THAP8: variants seen among roughly 807,000 people sequenced by gnomAD.
THAP8 encodes the protein THAP domain-containing protein 8.
A neutral mutation model predicts 25.0 loss-of-function variants in THAP8; 24 were observed. That is an observed-to-expected ratio of 0.96 (90% CI 0.69 to 1.35). THAP8 has a LOEUF of 1.35. Among genes scored for constraint, THAP8 ranks in the 40% most tolerant of loss-of-function variants. The pLI is 0.00. For missense variants in THAP8, 399 were observed against 368.8 expected (o/e 1.08, Z -0.67); for synonymous variants, 169 against 157.6 (o/e 1.07, Z -0.54).
upstream of THAP8, chr19:36,054,327 T>TCCGTGGAGTCTCGTCACGTA: frequency 7.7e-7 from 1 of 1,296,364 alleles, no homozygotes; most frequent in Admixed American, 2.0e-5. Flanking sequence ...TCACGTGACG[T>TCCGTGGAGTCTCGTCACGTA]CCGTGGAGTC....
In THAP8 at chr19:36,039,840, T is replaced by G. The variant is rs886401240; in HGVS notation, c.276+104A>C. 16 of 1,568,546 alleles carry G rather than the reference T, an allele frequency of 1.0e-5. No individual in the cohort carries two copies. In the African/African-American group the frequency reaches 2.0e-4, roughly 20 times the overall value. ...GTAAGGCCAGACCTCAGGGAGGAAG[T>G]GTCGTCAGGAGGGGAGGGCCAAAGT... On this transcript the variant is annotated intron_variant, in intron 2 of 3. Coordinates refer to ENST00000292894, the MANE Select transcript of THAP8 (RefSeq NM_152658.3).
At chr19:36,042,161 A>C (rs1484542543) in intron 1 of THAP8, among the ~76,000 whole-genome samples, 1 of 151,870 alleles carries the variant, frequency 6.6e-6, no homozygotes, top group Non-Finnish European at 1.5e-5. Flanking sequence ...AACTGCTGGA[A>C]CTCTGGTACA....
intron 1 of THAP8, among the ~76,000 whole-genome samples, chr19:36,048,901 TGA>T: frequency 6.7e-6 from 1 of 150,218 alleles, no homozygotes; most frequent in Non-Finnish European, 1.5e-5. Flanking sequence ...CACTGAGATT[TGA>T]GAAGTTTGTT....
intron 1 of THAP8, among the ~76,000 whole-genome samples, chr19:36,051,998 A>G (rs1970068584): frequency 6.6e-6 from 1 of 151,782 alleles, no homozygotes; most frequent in Non-Finnish European, 1.5e-5. Context: ...TGTGCATGTG[A>G]GAGATCTAGG....
In THAP8 at chr19:36,040,203, C is replaced by G. The variant is rs546231182; in HGVS notation, c.84-67G>C. 2.0e-6 allele frequency: 3 copies of G among 1,476,302 alleles called. No individual in the cohort carries two copies. In the East Asian group the frequency reaches 7.3e-5, roughly 36 times the overall value. The allele number at this position is 1,476,302 out of a possible 1,614,324, so 91.5% of individuals were successfully genotyped here. On this transcript the variant is annotated intron_variant, in intron 1 of 3. Transcript: ENST00000292894. Reference sequence around the variant, plus strand: ...CAGACTTATCCCTCCCAGAGGATACCCACCCTGGAGGTCTCTGGGCTCCAA... The same window carrying G: ...CAGACTTATCCCTCCCAGAGGATACGCACCCTGGAGGTCTCTGGGCTCCAA...
intron 1 of THAP8, among the ~76,000 whole-genome samples, chr19:36,050,172 G>A (rs1970016520): frequency 6.6e-6 from 1 of 152,096 alleles, no homozygotes; most frequent in Non-Finnish European, 1.5e-5. Context: ...TTGAGACAAG[G>A]TCTCACACGG....
intron 1 of THAP8, among the ~76,000 whole-genome samples, chr19:36,051,479 T>C (rs1473680215): frequency 6.6e-6 from 1 of 151,706 alleles, no homozygotes; most frequent in Non-Finnish European, 1.5e-5. Context: ...GGGAACAGAC[T>C]GGGGGTGACG....
intron 1 of THAP8, among the ~76,000 whole-genome samples, chr19:36,047,597 G>A (rs532160260): frequency 1.3e-5 from 2 of 152,148 alleles, no homozygotes; most frequent in Non-Finnish European, 2.9e-5. Context: ...CAAGGTGGGA[G>A]GATCATTTAA....
chr19:36,040,252 A>G lies in THAP8; in HGVS notation c.84-116T>C, dbSNP rs912725467. 3.8e-6 allele frequency: 4 copies of G among 1,059,236 alleles called. No individual in the cohort carries two copies. In the African/African-American group the frequency reaches 4.8e-5, roughly 13 times the overall value. 65.6% of individuals were successfully genotyped at this position (1,059,236 alleles called of 1,614,324 possible). On this transcript the variant is annotated intron_variant, in intron 1 of 3. Coordinates refer to ENST00000292894, the MANE Select transcript of THAP8 (RefSeq NM_152658.3). Reference sequence around the variant, plus strand: ...AAGCCTGTGCCTCCCTAGGGCTAGGAAGTAGACCTGTCTTGTGCCCAGGCT... The same window carrying G: ...AAGCCTGTGCCTCCCTAGGGCTAGGGAGTAGACCTGTCTTGTGCCCAGGCT...
chr19:36,041,968 C>T (rs1176833729), intron 1 of THAP8, among the ~76,000 whole-genome samples: 1 of 152,036 alleles, frequency 6.6e-6, no homozygotes, highest in African/African-American at 2.4e-5. Flanking sequence ...ATCTATAGTT[C>T]TATCTACTTA....
chr19:36,054,479 A>C (rs1386135924), upstream of THAP8: 1 of 582,786 alleles, frequency 1.7e-6, no homozygotes, highest in Non-Finnish European at 3.1e-6. Flanking sequence ...CGTCACCCCG[A>C]CTTTCATCAC....
chr19:36,038,526 TACAG>T (rs889250130), intron 3 of THAP8, among the ~76,000 whole-genome samples: 1 of 152,184 alleles, frequency 6.6e-6, no homozygotes, highest in African/African-American at 2.4e-5. Flanking sequence ...GTGCTAGGAT[TACAG>T]ATGTGAGCCA....
At chr19:36,040,812 T>C (rs1969664987) in intron 1 of THAP8, among the ~76,000 whole-genome samples, 1 of 152,134 alleles carries the variant, frequency 6.6e-6, no homozygotes, top group Non-Finnish European at 1.5e-5. Context: ...AATCAGACAG[T>C]TACGATGTGG....
chr19:36,039,499 C>T lies in THAP8; in HGVS notation c.496G>A (p.Ala166Thr). The change falls in exon 3 of 4, where the codon GCC (alanine) becomes ACC (threonine). Residue 166 changes from alanine (A) to threonine (T), a missense_variant. Physicochemically the swap from Ala to Thr is moderately conservative, Grantham distance 58. Transcript: ENST00000292894. ...CCCAGCCCGGTCTGGGCCTGTTGGG[C>T]AGGGACTTCAGGTTGTGACCGCTCA... ...TPERSQPEVP[A>T]QQAQTGLGPV... 2.5e-6 allele frequency: 4 copies of T among 1,581,376 alleles called. No individual in the cohort carries two copies. The highest frequency in any genetic ancestry group is 3.4e-6 in the Non-Finnish European group (4 of 1,162,182).
At chr19:36,037,961 T>C (rs1969536878) in intron 3 of THAP8, among the ~76,000 whole-genome samples, 1 of 151,974 alleles carries the variant, frequency 6.6e-6, no homozygotes, top group East Asian at 1.9e-4. Context: ...GTTTTTGTTT[T>C]TGAGATGGCG....
intron 1 of THAP8, among the ~76,000 whole-genome samples, chr19:36,045,383 C>T (rs1051598317): frequency 1.3e-5 from 2 of 152,138 alleles, no homozygotes; most frequent in South Asian, 4.1e-4. Flanking sequence ...AATCCTCCCA[C>T]GTCAGCCTCC....
intron 3 of THAP8, among the ~76,000 whole-genome samples, chr19:36,037,067 G>C (rs1439759638): frequency 2.0e-5 from 3 of 151,974 alleles, no homozygotes; most frequent in Admixed American, 6.6e-5. Context: ...TACAAGCAGG[G>C]CTCTGAAAGC....
At chr19:36,054,470 G>C (rs1350732411), upstream of THAP8, 2 of 587,602 alleles carry the variant, frequency 3.4e-6, no homozygotes, top group Non-Finnish European at 3.0e-6. Context: ...CCGGCCCTTC[G>C]TCACCCCGAC....
rs373833439 is a variant in THAP8 at position 36,035,419 on chromosome 19, C to T, written c.*21G>A. The T allele has an allele frequency of 9.4e-5, 151 of 1,602,046 alleles. No individual in the cohort carries two copies. The highest frequency in any genetic ancestry group is 1.2e-4 in the Non-Finnish European group (145 of 1,171,168). On this transcript the variant is annotated 3_prime_UTR_variant, in exon 4 of 4. Coordinates refer to ENST00000292894, the MANE Select transcript of THAP8 (RefSeq NM_152658.3). ...CCTCCATCTTCTATCTTTTGTCCCT[C>T]GACATTGTCTGTCTTGATCCTTATG... is the stretch of plus-strand genomic sequence containing the variant.
Sources: gnomAD v4.1 joint callset for allele counts (sites outside exome capture counted in the v4.1 genomes callset) on GRCh38, gnomAD v4.1.1 for gene constraint, MANE v1.5 for transcripts, NCBI Gene and HGNC (gene_info 2026-07-23, HGNC 2026-07-21) for gene names.